LRP1B: variants seen among roughly 807,000 people sequenced by gnomAD.
LRP1B encodes low-density lipoprotein receptor-related protein 1B.
A neutral mutation model predicts 556.6 loss-of-function variants in LRP1B; 217 were observed. The ratio of observed to expected loss-of-function variants is 0.39; its 90% confidence interval spans 0.35 to 0.44. The LOEUF is 0.44. Among genes scored for constraint, LRP1B ranks in the 20% least tolerant of loss-of-function variants. The pLI, the probability that LRP1B is intolerant of heterozygous loss-of-function variation, is 1.00. For synonymous variants in LRP1B, 2,047 were observed against 1,865.8 expected, an observed-to-expected ratio of 1.10 and a Z score of -2.50; for missense variants, 5,053 against 5,620.8, an observed-to-expected ratio of 0.90 and a Z score of 3.23.
At chr2:140,376,689 A>G (rs1254821644) in intron 68 of LRP1B, among the ~76,000 whole-genome samples, 2 of 152,200 alleles carry the variant, frequency 1.3e-5, no homozygotes, top group African/African-American at 4.8e-5. Context: ...AGGTTTTGCT[A>G]GCCCTCAGGC....
chr2:141,330,219 C>A (rs968140439), intron 3 of LRP1B, among the ~76,000 whole-genome samples: 6 of 152,114 alleles, frequency 3.9e-5, no homozygotes, highest in Non-Finnish European at 8.8e-5. Context: ...GTAATCAAAT[C>A]AAATATGTCA....
At chr2:140,834,977 G>A (rs1299961549) in intron 31 of LRP1B, among the ~76,000 whole-genome samples, 1 of 151,954 alleles carries the variant, frequency 6.6e-6, no homozygotes, top group Non-Finnish European at 1.5e-5. Flanking sequence ...AATATTTTAT[G>A]TTTCATTTTG....
intron 7 of LRP1B, among the ~76,000 whole-genome samples, chr2:141,171,572 C>A (rs1053130792): frequency 2.6e-4 from 18 of 68,994 alleles, no homozygotes; most frequent in African/African-American, 8.3e-4. Context: ...CAGGCTGATA[C>A]ACAGTCTTCT....
At chr2:140,376,796 T>C (rs2105179823) in intron 68 of LRP1B, among the ~76,000 whole-genome samples, 1 of 152,290 alleles carries the variant, frequency 6.6e-6, no homozygotes, top group South Asian at 2.1e-4. Context: ...TGTCCAGTCC[T>C]ACAGGGAATG....
intron 2 of LRP1B, among the ~76,000 whole-genome samples, chr2:141,523,047 A>G (rs944452099): frequency 9.2e-5 from 14 of 152,226 alleles, no homozygotes; most frequent in Non-Finnish European, 2.1e-4. Context: ...TCTGACCACC[A>G]GTTTATTTTC....
At chr2:141,525,079 C>T (rs187036076) in intron 2 of LRP1B, among the ~76,000 whole-genome samples, 2 of 152,092 alleles carry the variant, frequency 1.3e-5, no homozygotes, top group African/African-American at 4.8e-5. Context: ...AAATACATTG[C>T]ATGTTTAAGT....
chr2:141,263,274 T>C (rs1180612513), intron 3 of LRP1B, among the ~76,000 whole-genome samples: 2 of 151,998 alleles, frequency 1.3e-5, no homozygotes, highest in Non-Finnish European at 2.9e-5. Flanking sequence ...AGAAACACAT[T>C]ACAAATATCA....
rs1338281783 is a variant in LRP1B, at chr2:141,062,138, C to T, written c.1149G>A (p.Leu383=). 2 of 1,611,936 alleles carry T rather than the reference C, an allele frequency of 1.2e-6. No individual in the cohort carries two copies. Among genetic ancestry groups the T allele is most frequent in the Non-Finnish European group, 1.7e-6 (2 of 1,178,714 alleles). Residue 383 remains leucine, a synonymous_variant, in exon 8 of 91, where the codon TTG becomes TTA. Coordinates refer to ENST00000389484, the MANE Select transcript of LRP1B (RefSeq NM_018557.3). ...CCAAGTAAAGATCTACCCAGTAAAC[C>T]AATTTGTTGACTAGGTCTAGTGCCA... The part of the protein sequence containing the change: ...AALALDLVNK[L]VYWVDLYLDY...
intron 3 of LRP1B, among the ~76,000 whole-genome samples, chr2:141,365,765 C>T (rs889214569): frequency 1.3e-5 from 2 of 150,862 alleles, no homozygotes; most frequent in Non-Finnish European, 3.0e-5. Flanking sequence ...ATCCGCCTCC[C>T]GGGTTCACAC....
At chr2:140,400,784 T>TA (rs34923600) in intron 66 of LRP1B, among the ~76,000 whole-genome samples, 22 of 151,714 alleles carry the variant, frequency 1.5e-4, no homozygotes, top group African/African-American at 5.3e-4. Flanking sequence ...GTGAGGCAGG[T>TA]AAAAAAAACT....
chr2:140,987,046 T>C (rs1199897132), intron 17 of LRP1B, among the ~76,000 whole-genome samples: 1 of 152,202 alleles, frequency 6.6e-6, no homozygotes, highest in Non-Finnish European at 1.5e-5. Flanking sequence ...ATGGTCTACA[T>C]AAATATGCCA....
At chr2:140,708,039 G>C (rs1453576702) in intron 37 of LRP1B, among the ~76,000 whole-genome samples, 1 of 152,034 alleles carries the variant, frequency 6.6e-6, no homozygotes, top group African/African-American at 2.4e-5. Context: ...TGTGCTAGGA[G>C]CTGATGATAC....
At chr2:141,716,996 C>G (rs1692626593) in intron 2 of LRP1B, among the ~76,000 whole-genome samples, 1 of 152,080 alleles carries the variant, frequency 6.6e-6, no homozygotes, top group Admixed American at 6.6e-5. Flanking sequence ...CAGAGTTGCT[C>G]CTGTTTAATT....
chr2:141,647,380 T>C (rs561538233), intron 2 of LRP1B, among the ~76,000 whole-genome samples: 20 of 152,226 alleles, frequency 1.3e-4, no homozygotes, highest in African/African-American at 4.6e-4. Flanking sequence ...CCAGGAGAAA[T>C]TGTCTATTGT....
chr2:140,785,681 TC>T (rs1373491678), intron 32 of LRP1B, among the ~76,000 whole-genome samples: 4 of 152,156 alleles, frequency 2.6e-5, no homozygotes, highest in Non-Finnish European at 2.9e-5. Context: ...CTCAATGTTA[TC>T]CCTAAATATC....
At chr2:140,452,240 C>A (rs1686914934) in intron 62 of LRP1B, among the ~76,000 whole-genome samples, 1 of 152,060 alleles carries the variant, frequency 6.6e-6, no homozygotes. Flanking sequence ...CCAAAAAGCT[C>A]AGTTAGTTTA....
intron 35 of LRP1B, among the ~76,000 whole-genome samples, chr2:140,717,721 G>T (rs551494639): frequency 6.6e-6 from 1 of 152,116 alleles, no homozygotes; most frequent in South Asian, 2.1e-4. Flanking sequence ...AATCCTTTAA[G>T]ACCAATAAAA....
In LRP1B at chr2:140,950,277, C is replaced by T. The variant is rs2105299758; in HGVS notation, c.3094G>A (p.Gly1032Arg). 6.2e-7 allele frequency: 1 copy of T among 1,611,530 alleles called. No homozygotes were observed. Among genetic ancestry groups the T allele is most frequent in the Non-Finnish European group, 8.5e-7 (1 of 1,179,032 alleles). The change falls in exon 20 of 91, where the codon GGG (glycine) becomes AGG (arginine). Residue 1032 changes from glycine (G) to arginine (R), a missense_variant. Around this residue, in one of 5 missense-constraint regions of LRP1B, gnomAD observed 3,619 missense variants for 3,931.9 expected, o/e 0.92. Coordinates refer to ENST00000389484, the MANE Select transcript of LRP1B (RefSeq NM_018557.3). ...HWACDGDNDC[G>R]DFSDEAQINC... ...ATCTGGGCTTCATCACTGAAGTCCC[C>T]ACAGTCATTGTCACCATCACAGGCC...
intron 7 of LRP1B, among the ~76,000 whole-genome samples, chr2:141,180,320 A>G (rs1680934868): frequency 6.7e-6 from 1 of 149,510 alleles, no homozygotes; most frequent in African/African-American, 2.5e-5. Flanking sequence ...CTACTGGCTC[A>G]TATCTGCTTG....
Sources: gnomAD v4.1 joint callset for allele counts (sites outside exome capture counted in the v4.1 genomes callset) on GRCh38, gnomAD v4.1.1 for gene constraint, gnomAD v4.1.1 regional missense constraint, MANE v1.5 for transcripts, NCBI Gene and HGNC (gene_info 2026-07-23, HGNC 2026-07-21) for gene names.